The following CATSPERB variants were observed in gnomAD, a reference collection of about 807,000 sequenced individuals.
CATSPERB encodes catsper channel auxiliary subunit beta.
A neutral mutation model predicts 128.3 loss-of-function variants in CATSPERB; 93 were observed. The ratio of observed to expected loss-of-function variants is 0.72; its 90% CI spans 0.61 to 0.86. The LOEUF (loss-of-function observed/expected upper bound fraction) is 0.86, where lower values mean the gene tolerates loss of function less well. Among genes scored for constraint, CATSPERB ranks in the 40% least tolerant of loss-of-function variants. CATSPERB has a pLI of 0.00. For synonymous variants in CATSPERB, 381 were observed against 448.8 expected (o/e 0.85, Z 1.91); for missense variants, 1,153 against 1,329.5 (o/e 0.87, Z 2.06).
At chr14:91,699,077 T>A (rs1192069522) in intron 7 of CATSPERB, among the ~76,000 whole-genome samples, 2 of 152,246 alleles carry the variant, frequency 1.3e-5, no homozygotes, top group Non-Finnish European at 2.9e-5. Flanking sequence ...GGTATATGTA[T>A]GCCACACTTT....
At chr14:91,663,973 C>T (rs911914931) in intron 14 of CATSPERB, among the ~76,000 whole-genome samples, 3 of 152,248 alleles carry the variant, frequency 2.0e-5, no homozygotes, top group Middle Eastern at 3.4e-3. Context: ...CCATAGTTTA[C>T]ATTAGGGACC....
chr14:91,590,293 G>A (rs191377640), intron 23 of CATSPERB, among the ~76,000 whole-genome samples: 74 of 152,266 alleles, frequency 4.9e-4, no homozygotes, highest in African/African-American at 1.7e-3. Flanking sequence ...CACTTTGGGA[G>A]GTGGAGGCAG....
intron 25 of CATSPERB, among the ~76,000 whole-genome samples, chr14:91,587,670 T>C (rs778775888): frequency 6.6e-6 from 1 of 152,072 alleles, no homozygotes; most frequent in Non-Finnish European, 1.5e-5. Context: ...AACCAGAAGA[T>C]GTGCTCGTCC....
chr14:91,594,228 C>CA (rs1305279734), intron 22 of CATSPERB, among the ~76,000 whole-genome samples: 3 of 149,962 alleles, frequency 2.0e-5, no homozygotes, highest in African/African-American at 7.4e-5. Flanking sequence ...ATCACAAGGA[C>CA]AAAAAACCAA....
Position 91,614,768 on chromosome 14 carries a change from C to A in CATSPERB, c.2400+2829G>T, listed in dbSNP as rs185381093. 2.9e-3 allele frequency among the ~76,000 whole-genome samples: 442 copies of A among 152,250 alleles called. 1 individual carries two copies. The highest frequency in any genetic ancestry group is 4.0e-3 in the Non-Finnish European group (275 of 68,028). Reference sequence around the variant, plus strand: ...CTGTGATCACACCACTGCACTTCAGCCTGGGCATCAGAGAGAGACCCTGTC... The same window carrying A: ...CTGTGATCACACCACTGCACTTCAGACTGGGCATCAGAGAGAGACCCTGTC... On this transcript the variant is annotated intron_variant, in intron 20 of 26. Transcript: ENST00000256343.
At chr14:91,622,556 T>C (rs916562168) in intron 18 of CATSPERB, among the ~76,000 whole-genome samples, 38 of 152,096 alleles carry the variant, frequency 2.5e-4, no homozygotes, top group African/African-American at 8.9e-4. Context: ...GAGAGGGAAG[T>C]AATCATTATC....
At chr14:91,586,571 A>AAAGAGAGAGAGAGAGAGAGAGAGAGAGAG (rs1555358774) in intron 26 of CATSPERB, among the ~76,000 whole-genome samples, 5 of 114,244 alleles carry the variant, frequency 4.4e-5, no homozygotes, top group African/African-American at 1.8e-4. Context: ...GAGAGAGAGA[A>AAAGAGAGAGAGAGAGAGAGAGAGAGAGAG]AGAGAGAGAG....
chr14:91,717,023 C>G (rs1895955060), intron 5 of CATSPERB, among the ~76,000 whole-genome samples: 1 of 152,172 alleles, frequency 6.6e-6, no homozygotes, highest in Admixed American at 6.5e-5. Flanking sequence ...ACAAAATTAA[C>G]TATCCACACC....
intron 15 of CATSPERB, among the ~76,000 whole-genome samples, chr14:91,645,650 G>T (rs1894584699): frequency 7.6e-6 from 1 of 132,212 alleles, no homozygotes; most frequent in South Asian, 3.1e-4. Flanking sequence ...AGAGGTTACT[G>T]CTGTCTTTTT....
chr14:91,615,411 G>A (rs1313719778), intron 20 of CATSPERB, among the ~76,000 whole-genome samples: 1 of 152,146 alleles, frequency 6.6e-6, no homozygotes, highest in Non-Finnish European at 1.5e-5. Context: ...ACTGGTTCCT[G>A]GTGCCAAAAA....
At chr14:91,699,903 TTTTATTTA>T (rs531126350) in intron 7 of CATSPERB, among the ~76,000 whole-genome samples, 1 of 151,772 alleles carries the variant, frequency 6.6e-6, no homozygotes, top group East Asian at 1.9e-4. Context: ...TACTTTTTAA[TTTTATTTA>T]TTTATTTATT....
In CATSPERB at chr14:91,633,209, C is replaced by G. The variant is rs374574439; in HGVS notation, c.1742+3216G>C. 1.9e-3 allele frequency among the ~76,000 whole-genome samples: 288 copies of G among 152,246 alleles called. 1 individual carries two copies. The highest frequency in any genetic ancestry group is 6.6e-3 in the African/African-American group (276 of 41,544). On this transcript the variant is annotated intron_variant, in intron 17 of 26. Coordinates refer to ENST00000256343, the MANE Select transcript of CATSPERB (RefSeq NM_024764.4). ...TTAAGTAAATGTGTATGCTTTTCTC[C>G]TGTTAATCTGTCTTATGTCAGTTTA...
intron 5 of CATSPERB, among the ~76,000 whole-genome samples, chr14:91,718,591 A>G (rs1212297604): frequency 6.6e-6 from 1 of 152,218 alleles, no homozygotes; most frequent in East Asian, 1.9e-4. Context: ...CCCATAAGAA[A>G]GATATATAAA....
Position 91,591,946 on chromosome 14 carries a change from GCAGTTA to G in CATSPERB, c.2760_2765del (p.Asn921_Cys922del). On this transcript the variant is annotated inframe_deletion, in exon 23 of 27. Transcript: ENST00000256343. ...CATGTGAAAACTTCTGATCCTTTGT[GCAGTTA>G]CACTCCTCCCGAGTGGAAACATTAG... is the stretch of plus-strand genomic sequence containing the variant. 1 of 1,614,010 alleles carries G rather than the reference GCAGTTA, an allele frequency of 6.2e-7. No individual in the cohort carries two copies. The highest frequency in any genetic ancestry group is 1.1e-5 in the South Asian group (1 of 91,082).
At chr14:91,717,303 T>C (rs1895959646) in intron 5 of CATSPERB, among the ~76,000 whole-genome samples, 2 of 152,280 alleles carry the variant, frequency 1.3e-5, no homozygotes, top group South Asian at 4.1e-4. Context: ...GTTGTATACA[T>C]TTGTCAAAAC....
At chr14:91,714,758 C>T (rs1157561224) in intron 5 of CATSPERB, among the ~76,000 whole-genome samples, 1 of 151,942 alleles carries the variant, frequency 6.6e-6, no homozygotes, top group Non-Finnish European at 1.5e-5. Flanking sequence ...TGGGGTTTCG[C>T]CACGTTGGCC....
At chr14:91,678,237 GT>G (rs1265830038) in intron 11 of CATSPERB, among the ~76,000 whole-genome samples, 5 of 152,124 alleles carry the variant, frequency 3.3e-5, no homozygotes, top group Non-Finnish European at 5.9e-5. Context: ...GGAACTTAAA[GT>G]AAAATAAAAA....
chr14:91,667,477 G>A (rs771936581), intron 14 of CATSPERB, among the ~76,000 whole-genome samples: 10 of 152,140 alleles, frequency 6.6e-5, no homozygotes, highest in Non-Finnish European at 1.2e-4. Context: ...AAAAAACAGC[G>A]TACCCTATTC....
chr14:91,613,018 A>T (rs1893865240), intron 20 of CATSPERB, among the ~76,000 whole-genome samples: 1 of 151,752 alleles, frequency 6.6e-6, no homozygotes, highest in South Asian at 2.1e-4. Flanking sequence ...ACTGACTATA[A>T]TTTTTTTTTA....
Sources: gnomAD v4.1 joint callset for allele counts (sites outside exome capture counted in the v4.1 genomes callset) on GRCh38, gnomAD v4.1.1 for gene constraint, MANE v1.5 for transcripts, NCBI Gene and HGNC (gene_info 2026-07-23, HGNC 2026-07-21) for gene names.